Variants in STK32B observed in about 807,000 individuals in gnomAD.
The protein encoded by STK32B is serine/threonine-protein kinase 32B.
Under a neutral mutation model 52.6 loss-of-function variants are expected in STK32B, and 43 were observed. The observed-to-expected ratio is 0.82, with a 90% CI of 0.64 to 1.05. The LOEUF (loss-of-function observed/expected upper bound fraction) is 1.05, where lower values mean the gene tolerates loss of function less well. STK32B is among the 50% of genes least tolerant of loss of function. The probability of loss-of-function intolerance (pLI) is 0.00; values close to 1 mark genes in which losing one functional copy is unlikely to be tolerated. For missense variants in STK32B, 621 were observed against 534.6 expected (o/e 1.16, Z -1.59); for synonymous variants, 238 against 204.3 (o/e 1.17, Z -1.41).
At chr4:5,250,005 G>C (rs1359344040) in intron 3 of STK32B, among the ~76,000 whole-genome samples, 1 of 150,844 alleles carries the variant, frequency 6.6e-6, no homozygotes, top group East Asian at 1.9e-4. Context: ...AGAACATGCA[G>C]TATTTGGTTT....
intron 4 of STK32B, among the ~76,000 whole-genome samples, chr4:5,354,525 C>G (rs550523021): frequency 3.9e-5 from 6 of 152,228 alleles, no homozygotes; most frequent in African/African-American, 9.6e-5. Context: ...CTTGACCTCT[C>G]AAAGTGCTGG....
rs914039302 is a variant in STK32B at position 5,323,418 on chromosome 4, T to G, written c.261-7802T>G. Among the ~76,000 whole-genome samples, 2 of 152,164 alleles carry G rather than the reference T, an allele frequency of 1.3e-5. 1 individual carries two copies. The highest frequency in any genetic ancestry group is 2.9e-5 in the Non-Finnish European group (2 of 68,036). On this transcript the variant is annotated intron_variant, in intron 3 of 11. Transcript: ENST00000282908. ...CTGTGCTGAGCACGGCTGCTTCTTC[T>G]GGACTCCCTCATCAGGTCTATCACT...
At chr4:5,135,760 G>C (rs1040868086) in intron 1 of STK32B, among the ~76,000 whole-genome samples, 1 of 152,158 alleles carries the variant, frequency 6.6e-6, no homozygotes, top group Non-Finnish European at 1.5e-5. Flanking sequence ...AAGTGGTAGA[G>C]TGGAAGGGCT....
At chr4:5,339,149 C>T (rs960123373) in intron 4 of STK32B, among the ~76,000 whole-genome samples, 40 of 152,286 alleles carry the variant, frequency 2.6e-4, no homozygotes, top group African/African-American at 7.7e-4. Context: ...CTTACACTAA[C>T]GGCCTCCAAT....
intron 4 of STK32B, among the ~76,000 whole-genome samples, chr4:5,369,721 C>G (rs892402070): frequency 2.6e-5 from 4 of 152,168 alleles, no homozygotes; most frequent in Non-Finnish European, 5.9e-5. Context: ...TGCCAGGCAT[C>G]AGACCAATTG....
chr4:5,288,830 T>C (rs1728709097), intron 3 of STK32B, among the ~76,000 whole-genome samples: 1 of 152,220 alleles, frequency 6.6e-6, no homozygotes, highest in Non-Finnish European at 1.5e-5. Context: ...CTATGTTTTG[T>C]TCTGAAATAA....
At chr4:5,483,957 T>C (rs1216618916) in intron 11 of STK32B, among the ~76,000 whole-genome samples, 1 of 152,172 alleles carries the variant, frequency 6.6e-6, no homozygotes, top group Non-Finnish European at 1.5e-5. Context: ...GAGAGACAGT[T>C]TGTTATAATT....
intron 1 of STK32B, among the ~76,000 whole-genome samples, chr4:5,099,454 G>GCGCATGCGCGCGCACA (rs1553823532): frequency 1.5e-5 from 2 of 129,744 alleles, no homozygotes; most frequent in African/African-American, 5.1e-5. Flanking sequence ...GTGTGTGCGC[G>GCGCATGCGCGCGCACA]CGCGCGTATG....
the STK32B span, among the ~76,000 whole-genome samples, chr4:5,038,846 T>G: frequency 6.6e-6 from 1 of 152,170 alleles, no homozygotes; most frequent in Non-Finnish European, 1.5e-5. Flanking sequence ...ATATTTTATT[T>G]CTTTAATAAT....
rs1243281064 is a variant in STK32B, at chr4:5,058,767, G to T, written c.52+6852G>T. Among the ~76,000 whole-genome samples, 4 of 151,794 alleles carry T rather than the reference G, an allele frequency of 2.6e-5. No homozygotes were observed. In the East Asian group the frequency reaches 7.8e-4, roughly 29 times the overall value. On this transcript the variant is annotated intron_variant, in intron 1 of 11. Transcript: ENST00000282908. The surrounding 1 kb of genome is among the most constrained non-coding windows in gnomAD (Gnocchi z 4.8). ...TATTTATTTTACTTATTTATTTTTT[G>T]ATATAGAATCTCTCTCTCTGTCTCC...
At chr4:5,317,663 C>T (rs1731195672) in intron 3 of STK32B, among the ~76,000 whole-genome samples, 1 of 148,320 alleles carries the variant, frequency 6.7e-6, no homozygotes, top group South Asian at 2.1e-4. Context: ...CTGGAGGATT[C>T]CAGGGAGGTC....
intron 6 of STK32B, chr4:5,436,554 C>G (rs528412204): frequency 2.0e-6 from 2 of 983,910 alleles, no homozygotes; most frequent in East Asian, 1.1e-4. Context: ...GGAGGTCTCT[C>G]TGGGTCCAGA....
At chr4:5,416,756 C>A in intron 5 of STK32B, 89 bp from the exon 6 acceptor site, 1 of 1,021,314 alleles carries the variant, frequency 9.8e-7, no homozygotes. Flanking sequence ...ATGTTTTCTT[C>A]ACGGTATCTC....
intron 3 of STK32B, among the ~76,000 whole-genome samples, chr4:5,200,716 C>T (rs184351857): frequency 6.6e-6 from 1 of 152,246 alleles, no homozygotes; most frequent in East Asian, 1.9e-4. Context: ...CCAGATGTAG[C>T]TATAGAGACA....
intron 11 of STK32B, among the ~76,000 whole-genome samples, chr4:5,496,096 C>G (rs938010267): frequency 1.4e-4 from 22 of 152,342 alleles, no homozygotes; most frequent in Non-Finnish European, 2.9e-4. Flanking sequence ...AGAACCACTG[C>G]TCTCTTCAAA....
intron 3 of STK32B, among the ~76,000 whole-genome samples, chr4:5,295,728 A>G (rs1293633048): frequency 1.3e-5 from 2 of 151,848 alleles, no homozygotes; most frequent in Non-Finnish European, 2.9e-5. Context: ...CAGCTCCTGG[A>G]TTTACTGATT....
chr4:5,106,940 G>T (rs937810227), intron 1 of STK32B, among the ~76,000 whole-genome samples: 2 of 152,170 alleles, frequency 1.3e-5, no homozygotes, highest in Non-Finnish European at 2.9e-5. Flanking sequence ...TTCTTCACTT[G>T]TGCTATACAT....
Position 5,460,295 on chromosome 4 carries a change from G to A in STK32B, c.909+67G>A. 1.9e-6 allele frequency: 3 copies of A among 1,543,286 alleles called. 1 individual carries two copies. Among genetic ancestry groups the A allele is most frequent in the South Asian group, 2.5e-5 (2 of 79,022 alleles). Reference sequence around the variant, plus strand: ...GGGTCCCCGCCTTGGTGCAAAGCAAGACTTTGGCAGCTGGCTAGTGAGCCC... The same window carrying A: ...GGGTCCCCGCCTTGGTGCAAAGCAAAACTTTGGCAGCTGGCTAGTGAGCCC... On this transcript the variant is annotated intron_variant, in intron 9 of 11. Transcript: ENST00000282908. This position sits in a 1 kb window ranked among gnomAD's most constrained non-coding sequence, Gnocchi z 4.8.
intron 3 of STK32B, among the ~76,000 whole-genome samples, chr4:5,295,611 G>C (rs968773767): frequency 6.6e-6 from 1 of 152,150 alleles, no homozygotes; most frequent in African/African-American, 2.4e-5. Context: ...TGTGGGATCA[G>C]TGATGATATC....
Sources: allele counts gnomAD v4.1 joint callset (sites outside exome capture counted in the v4.1 genomes callset), GRCh38; gene constraint gnomAD v4.1.1; non-coding constraint Gnocchi (gnomAD v3.1); transcripts MANE v1.5; gene names NCBI Gene and HGNC (gene_info 2026-07-23, HGNC 2026-07-21).